The following DNAAF9 variants were observed in gnomAD, a reference collection of about 807,000 sequenced individuals.
DNAAF9 encodes dynein axonemal assembly factor 9, also known as shulin.
Under a neutral mutation model 167.0 loss-of-function variants are expected in DNAAF9, and 90 were observed. The observed-to-expected ratio is 0.54, with a 90% CI of 0.45 to 0.64. The LOEUF is 0.64. Ranked by LOEUF, DNAAF9 falls within the 30% of genes least tolerant of loss-of-function variation. The probability of loss-of-function intolerance (pLI) is 0.00; values close to 1 mark genes in which losing one functional copy is unlikely to be tolerated. For synonymous variants in DNAAF9, 491 were observed against 508.8 expected (o/e 0.96, Z 0.47); for missense variants, 1,315 against 1,442.2 (o/e 0.91, Z 1.43).
chr20:3,339,697 C>A (rs970309250), intron 10 of DNAAF9, among the ~76,000 whole-genome samples: 6 of 152,166 alleles, frequency 3.9e-5, no homozygotes, highest in Admixed American at 3.9e-4. Flanking sequence ...AGGCTGTGAT[C>A]ATCAAAAGTG....
chr20:3,260,105 C>A (rs1015277395), intron 31 of DNAAF9, 77 bp from the exon 32 acceptor site: 49 of 740,498 alleles, frequency 6.6e-5, no homozygotes, highest in Non-Finnish European at 4.3e-5. Context: ...TCTGGGAGGC[C>A]GAGGCGGGTG....
chr20:3,374,234 C>G, intron 5 of DNAAF9, 80 bp from the exon 6 acceptor site: 1 of 904,108 alleles, frequency 1.1e-6, no homozygotes, highest in Non-Finnish European at 1.7e-6. Flanking sequence ...CATGGTTAGA[C>G]AGGTATCATT....
chr20:3,281,672 C>T lies in DNAAF9; in HGVS notation c.2581G>A (p.Val861Met), dbSNP rs747626632. Residue 861 changes from valine to methionine, a missense_variant, in exon 28 of 37, where the codon GTG (valine) becomes ATG (methionine). Physicochemically the swap from Val to Met is conservative, Grantham distance 21. Transcript: ENST00000252032. ...TCCATGTAGCAGCTCATGGGCTCCACACATGCTGTGATGGCACCAATGGTG... is the reference window on the plus strand; with the variant it reads ...TCCATGTAGCAGCTCATGGGCTCCATACATGCTGTGATGGCACCAATGGTG... ...SFTIGAITACVEPMSCYMEHR... is the reference protein window; with the variant it reads ...SFTIGAITACMEPMSCYMEHR... 6.8e-6 allele frequency: 11 copies of T among 1,612,812 alleles called. No homozygotes were observed. Among genetic ancestry groups the T allele is most frequent in the African/African-American group, 1.3e-5 (1 of 74,856 alleles).
intron 6 of DNAAF9, among the ~76,000 whole-genome samples, chr20:3,366,272 TTAG>T (rs1293603514): frequency 6.6e-6 from 1 of 152,214 alleles, no homozygotes; most frequent in Non-Finnish European, 1.5e-5. Flanking sequence ...GGATGTTGTG[TTAG>T]TAGGCATGAA....
At chr20:3,340,368 C>T in intron 10 of DNAAF9, 136 bp downstream of exon 10, 1 of 706,720 alleles carries the variant, frequency 1.4e-6, no homozygotes, top group Non-Finnish European at 2.3e-6. Context: ...TCTTTTCACT[C>T]TAGAACAACT....
Position 3,407,647 on chromosome 20 carries a change from C to A in DNAAF9, c.-90G>T. The A allele has an allele frequency of 2.8e-6, 3 of 1,083,562 alleles. No individual in the cohort carries two copies. Among genetic ancestry groups the A allele is most frequent in the Non-Finnish European group, 3.4e-6 (3 of 893,800 alleles). 67.1% of individuals were successfully genotyped at this position (1,083,562 alleles called of 1,614,324 possible). ...CGGCTCCACGCTAGCTGCGGCCGGG[C>A]GGGGCGGCAGGGCGTGCCGGGTGGG... On this transcript the variant is annotated 5_prime_UTR_variant, in exon 1 of 37. Transcript: ENST00000252032.
chr20:3,251,434 G>A lies in DNAAF9; in HGVS notation c.*1138C>T, dbSNP rs2068192902. ...AGACATCACCTAAATATCAGTGGCT[G>A]TGACTCCCCTGTCCCCCACACCAAT... On this transcript the variant is annotated 3_prime_UTR_variant, in exon 37 of 37. Transcript: ENST00000252032. 1 of 152,220 alleles carries A rather than the reference G, an allele frequency of 6.6e-6. No individual in the cohort carries two copies. The highest frequency in any genetic ancestry group is 1.5e-5 in the Non-Finnish European group (1 of 68,046). The allele number at this position is 152,220 out of a possible 1,614,324, so 9.4% of individuals were successfully genotyped here. A position where few individuals can be genotyped will look rare whatever the true frequency, so the allele number is the denominator to read the frequency against.
intron 1 of DNAAF9, among the ~76,000 whole-genome samples, chr20:3,404,935 C>T (rs1198182459): frequency 6.6e-6 from 1 of 152,188 alleles, no homozygotes; most frequent in Non-Finnish European, 1.5e-5. Flanking sequence ...AAGCATAGGT[C>T]ACCTGGAAGC....
At chr20:3,318,810 G>A (rs1188145345) in intron 16 of DNAAF9, among the ~76,000 whole-genome samples, 2 of 152,114 alleles carry the variant, frequency 1.3e-5, no homozygotes, top group Non-Finnish European at 2.9e-5. Context: ...TAGGCATAAT[G>A]ACTCATGCCC....
intron 20 of DNAAF9, among the ~76,000 whole-genome samples, chr20:3,307,967 T>TAAAAA (rs367851853): frequency 1.6e-5 from 2 of 123,448 alleles, no homozygotes; most frequent in African/African-American, 3.1e-5. Flanking sequence ...ACACAAGGTT[T>TAAAAA]AAAAAAAAAA....
intron 36 of DNAAF9, among the ~76,000 whole-genome samples, 155 bp from the exon 37 acceptor site, chr20:3,252,839 C>T (rs1568557318): frequency 6.6e-6 from 1 of 152,052 alleles, no homozygotes; most frequent in Non-Finnish European, 1.5e-5. Context: ...TATATACTGG[C>T]AGCACCACAG....
chr20:3,296,926 C>G lies in DNAAF9; in HGVS notation c.1953G>C (p.Gln651His). ...YSEVFSLWKQ[Q>H]DNSGISLKVI... The stretch of plus-strand genomic sequence containing the variant: ...CTTTTAAAGAGATCCCTGAGTTATC[C>G]TGCTGTTTCCAGAGGGAGAAGACCT... The change falls in exon 23 of 37, where the codon CAG (glutamine) becomes CAC (histidine). Residue 651 changes from glutamine (Q) to histidine (H), a missense_variant. Physicochemically the swap from Gln to His is conservative, Grantham distance 24 (BLOSUM62 0). Around this residue, in one of 2 missense-constraint regions of DNAAF9, gnomAD observed 981 missense variants for 1,012.5 expected, o/e 0.97. Coordinates refer to ENST00000252032, the MANE Select transcript of DNAAF9 (RefSeq NM_001009984.3). 6.2e-7 allele frequency: 1 copy of G among 1,609,682 alleles called. No homozygotes were observed. Among genetic ancestry groups the G allele is most frequent in the Non-Finnish European group, 8.5e-7 (1 of 1,176,046 alleles).
At position 3,250,282 on chromosome 20, in the gene DNAAF9, G is replaced by C. The variant is rs1261844785; in HGVS notation, c.*2290C>G. On this transcript the variant is annotated 3_prime_UTR_variant, in exon 37 of 37. Coordinates refer to ENST00000252032, the MANE Select transcript of DNAAF9 (RefSeq NM_001009984.3). Reference sequence around the variant, plus strand: ...TGGATACTGACCTTCACAGAACAGAGAGGCCTGGCAGGTTCCAGGAGGCAT... The same window carrying C: ...TGGATACTGACCTTCACAGAACAGACAGGCCTGGCAGGTTCCAGGAGGCAT... The C allele has an allele frequency of 6.6e-6, 1 of 152,258 alleles. No individual in the cohort carries two copies. Among genetic ancestry groups the C allele is most frequent in the Non-Finnish European group, 1.5e-5 (1 of 68,094 alleles). The allele number at this position is 152,258 out of a possible 1,614,324, so 9.4% of individuals were successfully genotyped here.
At chr20:3,344,128 A>AT (rs2070144351) in intron 8 of DNAAF9, among the ~76,000 whole-genome samples, 2 of 152,240 alleles carry the variant, frequency 1.3e-5, no homozygotes, top group East Asian at 1.9e-4. Flanking sequence ...TCATGTGGAG[A>AT]TTTTTTTAAA....
rs912621075 is a variant in DNAAF9 at position 3,287,577 on chromosome 20, A to G, written c.2486+55T>C. On this transcript the variant is annotated intron_variant, in intron 27 of 36. Coordinates refer to ENST00000252032, the MANE Select transcript of DNAAF9 (RefSeq NM_001009984.3). Reference sequence around the variant, plus strand: ...GGTTTGTTACACATAAAATAAGAGTAATGGCAAGGTCATCACCCTGATTCG... The same window carrying G: ...GGTTTGTTACACATAAAATAAGAGTGATGGCAAGGTCATCACCCTGATTCG... 14 of 1,545,366 alleles carry G rather than the reference A, an allele frequency of 9.1e-6. No homozygotes were observed. In the African/African-American group the frequency reaches 1.8e-4, roughly 20 times the overall value.
rs566417245 is a variant in DNAAF9, at chr20:3,259,775, C to A, written c.2980+147G>T. The A allele has an allele frequency of 1.2e-4, 81 of 671,990 alleles. No individual in the cohort carries two copies. The East Asian group carries it at 1.8e-3, about 15-fold the overall frequency. 41.6% of individuals were successfully genotyped at this position (671,990 alleles called of 1,614,324 possible). The stretch of plus-strand genomic sequence containing the variant: ...AGTGGAGACCAAATTGTGTGACCAC[C>A]CACAATCCTCAAATCCCTCTGTCTA... On this transcript the variant is annotated intron_variant, in intron 32 of 36. Transcript: ENST00000252032.
At chr20:3,345,935 A>G (rs2070184590) in intron 8 of DNAAF9, among the ~76,000 whole-genome samples, 1 of 151,786 alleles carries the variant, frequency 6.6e-6, no homozygotes, top group Non-Finnish European at 1.5e-5. Context: ...CTCCATCCCA[A>G]AAAAAAAGCC....
intron 1 of DNAAF9, among the ~76,000 whole-genome samples, chr20:3,390,460 C>T (rs991007555): frequency 1.3e-5 from 2 of 151,454 alleles, no homozygotes; most frequent in Admixed American, 6.6e-5. Flanking sequence ...CTACCTCCTG[C>T]GTTCAAGTGA....
intron 1 of DNAAF9, chr20:3,384,482 A>G (rs2083705838): frequency 1.3e-5 from 2 of 152,048 alleles, no homozygotes; most frequent in African/African-American, 4.8e-5. Context: ...TATCAAAAAG[A>G]GAAAGAAACC....
Sources: gnomAD v4.1 joint callset for allele counts (sites outside exome capture counted in the v4.1 genomes callset) on GRCh38, gnomAD v4.1.1 for gene constraint, gnomAD v4.1.1 regional missense constraint, MANE v1.5 for transcripts, NCBI Gene and HGNC (gene_info 2026-07-23, HGNC 2026-07-21) for gene names.